The following MTHFD1 variants were observed in gnomAD, a reference collection of about 807,000 sequenced individuals.
The protein encoded by MTHFD1 is methylenetetrahydrofolate dehydrogenase, cyclohydrolase and formyltetrahydrofolate synthetase 1.
In MTHFD1, 44 loss-of-function variants were observed where a neutral mutation model predicts 110.3. The ratio of observed to expected loss-of-function variants is 0.40; its 90% CI spans 0.31 to 0.51. The LOEUF is 0.51. MTHFD1 is among the 20% of genes least tolerant of loss of function. The pLI, the probability that MTHFD1 is intolerant of heterozygous loss-of-function variation, is 0.60. For synonymous variants in MTHFD1, 402 were observed against 428.8 expected, an observed-to-expected ratio of 0.94 and a Z score of 0.77; for missense variants, 909 against 1,173.1, an observed-to-expected ratio of 0.77 and a Z score of 3.29.
chr14:64,422,744 C>A (rs995274444), intron 8 of MTHFD1, among the ~76,000 whole-genome samples: 1 of 152,016 alleles, frequency 6.6e-6, no homozygotes, highest in Non-Finnish European at 1.5e-5. Context: ...CATGTGATTT[C>A]CCAAAGAAAG....
In MTHFD1 at chr14:64,458,141, C is replaced by T. The variant is rs992966309; in HGVS notation, c.2719-73C>T. 2.5e-5 allele frequency: 30 copies of T among 1,218,676 alleles called. No homozygotes were observed. In the Admixed American group the frequency reaches 4.5e-4, roughly 18 times the overall value. 75.5% of individuals were successfully genotyped at this position (1,218,676 alleles called of 1,614,324 possible). ...CCTGGCCTCAAGTGATCCTCTCCAC[C>T]TCAGCCTGGGATTATAGGCGTGAGC... On this transcript the variant is annotated intron_variant, in intron 26 of 27. Transcript: ENST00000652337.
intron 26 of MTHFD1, among the ~76,000 whole-genome samples, chr14:64,457,040 A>T (rs1397529573): frequency 6.6e-6 from 1 of 152,236 alleles, no homozygotes; most frequent in East Asian, 1.9e-4. Flanking sequence ...AGTCTTTAGA[A>T]AAGTAGTGAG....
At chr14:64,441,997 T>C (rs2078253116) in intron 19 of MTHFD1, 57 bp from the exon 20 acceptor site, 1 of 1,116,170 alleles carries the variant, frequency 9.0e-7, no homozygotes, top group Non-Finnish European at 1.4e-6. Flanking sequence ...GTTGAATGTG[T>C]GATCCCACTT....
chr14:64,414,286 C>CTTTTTTTTTTTTT (rs3062425), intron 4 of MTHFD1, among the ~76,000 whole-genome samples: 7 of 86,454 alleles, frequency 8.1e-5, no homozygotes, highest in African/African-American at 3.4e-4. Flanking sequence ...CCTGTCCCCG[C>CTTTTTTTTTTTTT]TTTTTTTTTT....
intron 1 of MTHFD1, among the ~76,000 whole-genome samples, chr14:64,397,514 C>T (rs1596530652): frequency 6.6e-6 from 1 of 152,002 alleles, no homozygotes; most frequent in Admixed American, 6.6e-5. Flanking sequence ...AGGCTGGTCT[C>T]GAACTCCTGA....
At chr14:64,410,415 G>C (rs376892237) in intron 2 of MTHFD1, among the ~76,000 whole-genome samples, 35 of 138,072 alleles carry the variant, frequency 2.5e-4, no homozygotes, top group African/African-American at 7.0e-4. Context: ...GATGGGGGGG[G>C]GGGTCTCACT....
chr14:64,431,915 C>T (rs2078163451), intron 15 of MTHFD1, 54 bp downstream of exon 15: 1 of 1,487,118 alleles, frequency 6.7e-7, no homozygotes, highest in Admixed American at 1.7e-5. Context: ...GGAATCTGAT[C>T]ATTGATTAGG....
intron 3 of MTHFD1, among the ~76,000 whole-genome samples, chr14:64,411,768 GC>G (rs2077986818): frequency 6.6e-6 from 1 of 152,156 alleles, no homozygotes; most frequent in Non-Finnish European, 1.5e-5. Context: ...GGGTGTGGTG[GC>G]GCATGCCTGT....
At chr14:64,403,105 T>A (rs960519896) in intron 2 of MTHFD1, among the ~76,000 whole-genome samples, 2 of 151,636 alleles carry the variant, frequency 1.3e-5, no homozygotes, top group African/African-American at 4.8e-5. Context: ...ATTACAGGCA[T>A]GCGCCACCAT....
chr14:64,429,017 A>C (rs1329329822), intron 12 of MTHFD1, among the ~76,000 whole-genome samples: 1 of 151,874 alleles, frequency 6.6e-6, no homozygotes, highest in Non-Finnish European at 1.5e-5. Context: ...TCTGCCTCAC[A>C]AAAACAAAAT....
chr14:64,415,912 T>G (rs754495512), intron 6 of MTHFD1, among the ~76,000 whole-genome samples, 173 bp downstream of exon 6: 1 of 152,166 alleles, frequency 6.6e-6, no homozygotes, highest in Non-Finnish European at 1.5e-5. Context: ...TCAGCAACTC[T>G]GTGAAGTAGG....
chr14:64,430,235 AGT>A lies in MTHFD1; in HGVS notation c.1311+6_1311+7del. ...CAGGTCATTCCTATGGAAGAGGTAA[AGT>A]ATTCTGGGATTTGGCTGAATTAGAT... On this transcript the variant is annotated splice_donor_region_variant and intron_variant, in intron 13 of 27. Transcript: ENST00000652337. The A allele has an allele frequency of 6.2e-7, 1 of 1,613,296 alleles. No individual in the cohort carries two copies.
intron 24 of MTHFD1, among the ~76,000 whole-genome samples, chr14:64,452,022 C>T (rs1261453960): frequency 2.0e-5 from 3 of 152,148 alleles, no homozygotes; most frequent in Non-Finnish European, 4.4e-5. Context: ...CTTGGCTGGG[C>T]GCTGTGGTCA....
intron 1 of MTHFD1, among the ~76,000 whole-genome samples, chr14:64,392,490 AT>A (rs1363744231): frequency 6.6e-6 from 1 of 152,036 alleles, no homozygotes; most frequent in East Asian, 1.9e-4. Context: ...CATTGGTGGC[AT>A]TTTTCTTGAT....
intron 8 of MTHFD1, among the ~76,000 whole-genome samples, chr14:64,421,647 G>A (rs960913428): frequency 2.3e-4 from 34 of 148,780 alleles, no homozygotes; most frequent in East Asian, 1.4e-3. Context: ...TTCTTGAGAC[G>A]GAGTCTCGCT....
intron 2 of MTHFD1, among the ~76,000 whole-genome samples, chr14:64,408,715 C>T (rs1372685578): frequency 1.3e-5 from 2 of 152,192 alleles, no homozygotes; most frequent in African/African-American, 4.8e-5. Context: ...CTTTGGCAGG[C>T]TGAGGCAGGA....
intron 22 of MTHFD1, 199 bp from the exon 23 acceptor site, chr14:64,448,018 A>T: frequency 1.6e-6 from 1 of 610,408 alleles, no homozygotes; most frequent in South Asian, 1.9e-5. Context: ...CATAGGCTGG[A>T]GTGAAAGCTG....
At position 64,450,509 on chromosome 14, in the gene MTHFD1, G is replaced by C. The variant is rs548582109; in HGVS notation, c.2457+887G>C. Among the ~76,000 whole-genome samples, 9 of 152,250 alleles carry C rather than the reference G, an allele frequency of 5.9e-5. No individual in the cohort carries two copies. In the East Asian group the frequency reaches 1.7e-3, roughly 29 times the overall value. On this transcript the variant is annotated intron_variant, in intron 24 of 27. Transcript: ENST00000652337. ...CTAAGTAGAGCCCTGCTTACTCTAT[G>C]ATACAATAAAGTTAGTTCAGGAAAA...
intron 27 of MTHFD1, 22 bp downstream of exon 27, chr14:64,458,329 A>G (rs2140993791): frequency 1.3e-6 from 2 of 1,562,076 alleles, no homozygotes; most frequent in South Asian, 1.1e-5. Context: ...CTGGGTAATA[A>G]TTTGGCTTTT....
Sources: allele counts gnomAD v4.1 joint callset (sites outside exome capture counted in the v4.1 genomes callset), GRCh38; gene constraint gnomAD v4.1.1; transcripts MANE v1.5; gene names NCBI Gene and HGNC (gene_info 2026-07-23, HGNC 2026-07-21).